The following NAALAD2 variants were observed in gnomAD, a reference collection of about 807,000 sequenced individuals.
The protein encoded by NAALAD2 is N-acetylated alpha-linked acidic dipeptidase 2, also known as N-acetylated-alpha-linked acidic dipeptidase 2.
A neutral mutation model predicts 95.6 loss-of-function variants in NAALAD2; 89 were observed. The observed-to-expected ratio is 0.93, with a 90% confidence interval of 0.78 to 1.11. NAALAD2 has a LOEUF of 1.11. NAALAD2 is among the 50% of genes least tolerant of loss of function. The pLI is 0.00. For missense variants in NAALAD2, 894 were observed against 872.4 expected (o/e 1.02, Z -0.31); for synonymous variants, 264 against 294.4 (o/e 0.90, Z 1.06).
At chr11:90,148,348 T>C (rs569920996) in intron 3 of NAALAD2, among the ~76,000 whole-genome samples, 173 of 152,178 alleles carry the variant, frequency 1.1e-3, no homozygotes, top group African/African-American at 4.0e-3. Flanking sequence ...AGTGATTGAC[T>C]TGGGGAAGGA....
chr11:90,147,501 T>A lies in NAALAD2; in HGVS notation c.366T>A (p.Asp122Glu). ...ETNANYISIV[D>E]EHETEIFKTS... ...ATGCCAACTATATATCGATTGTGGA[T>A]GAACATGAAACTGAGGTATGTGAAA... Residue 122 changes from aspartate to glutamate, a missense_variant, in exon 3 of 19, where the codon GAT becomes GAA. Physicochemically the swap from Asp to Glu is conservative, Grantham distance 45. Coordinates refer to ENST00000534061, the MANE Select transcript of NAALAD2 (RefSeq NM_005467.4). 6.2e-7 allele frequency: 1 copy of A among 1,607,236 alleles called. No homozygotes were observed. The highest frequency in any genetic ancestry group is 8.5e-7 in the Non-Finnish European group (1 of 1,177,044).
intron 17 of NAALAD2, 54 bp downstream of exon 17, chr11:90,181,755 C>T: frequency 1.8e-6 from 2 of 1,094,580 alleles, no homozygotes; most frequent in Non-Finnish European, 2.7e-6. Context: ...AATCTGGTTA[C>T]TAGAATGAAC....
chr11:90,169,926 C>A (rs573545824), intron 12 of NAALAD2, 143 bp from the exon 13 acceptor site: 2 of 626,654 alleles, frequency 3.2e-6, no homozygotes, highest in East Asian at 2.9e-5. Context: ...ACTATTTCCA[C>A]CCTGTTTTAT....
intron 6 of NAALAD2, among the ~76,000 whole-genome samples, chr11:90,155,571 T>C (rs1261911983): frequency 1.2e-5 from 1 of 80,432 alleles, no homozygotes; most frequent in South Asian, 4.0e-4. Context: ...ATATATAATA[T>C]ATAATATATA....
chr11:90,178,086 T>C lies in NAALAD2; in HGVS notation c.1827T>C (p.Asp609=), dbSNP rs1282774155. 1 of 1,613,002 alleles carries C rather than the reference T, an allele frequency of 6.2e-7. No homozygotes were observed. The highest frequency in any genetic ancestry group is 1.7e-5 in the Admixed American group (1 of 59,824). Residue 609 remains aspartate, a synonymous_variant, in exon 16 of 19, where the codon GAT becomes GAC. Transcript: ENST00000534061. The part of the protein sequence containing the change: ...ASIYNLSKKH[D]QQLTDHGVSF... ...TCTATAATCTATCTAAGAAACATGA[T>C]CAACAATTGACAGACCATGGAGTAT...
intron 6 of NAALAD2, among the ~76,000 whole-genome samples, chr11:90,154,672 T>C (rs1048840778): frequency 3.3e-5 from 5 of 151,338 alleles, no homozygotes; most frequent in African/African-American, 1.2e-4. Context: ...CATCTTCACT[T>C]TTTTGCAAGA....
chr11:90,152,156 A>C, intron 5 of NAALAD2, 142 bp from the exon 6 acceptor site: 1 of 700,174 alleles, frequency 1.4e-6, no homozygotes, highest in Non-Finnish European at 2.1e-6. Context: ...AATTGTGTTC[A>C]AAGCCAAGAG....
At chr11:90,162,614 A>C (rs1241687104) in intron 8 of NAALAD2, 1 of 156,392 alleles carries the variant, frequency 6.4e-6, no homozygotes, top group East Asian at 1.8e-4. Flanking sequence ...TTTTAGAATA[A>C]ATATGACATT....
chr11:90,150,839 A>G (rs984321698), intron 5 of NAALAD2, among the ~76,000 whole-genome samples: 1 of 152,084 alleles, frequency 6.6e-6, no homozygotes, highest in Non-Finnish European at 1.5e-5. Flanking sequence ...GCTTTTAGAA[A>G]TTTAATTGAA....
chr11:90,151,632 A>C (rs1951889412), intron 5 of NAALAD2, among the ~76,000 whole-genome samples: 1 of 152,318 alleles, frequency 6.6e-6, no homozygotes, highest in Admixed American at 6.5e-5. Context: ...GTGATATAAC[A>C]GGGTGTTCTC....
intron 8 of NAALAD2, among the ~76,000 whole-genome samples, chr11:90,162,216 T>C (rs1590991929): frequency 6.6e-6 from 1 of 152,286 alleles, no homozygotes; most frequent in Admixed American, 6.5e-5. Flanking sequence ...ATGTGAGTGA[T>C]ACTTTGTTTT....
At chr11:90,151,791 G>A (rs1331827127) in intron 5 of NAALAD2, among the ~76,000 whole-genome samples, 1 of 151,998 alleles carries the variant, frequency 6.6e-6, no homozygotes, top group Non-Finnish European at 1.5e-5. Flanking sequence ...CAAAAACCCT[G>A]GGCTGTTTTT....
chr11:90,182,977 C>A lies in NAALAD2; in HGVS notation c.2002C>A (p.Pro668Thr). The A allele has an allele frequency of 6.2e-7, 1 of 1,612,802 alleles. No homozygotes were observed. Among genetic ancestry groups the A allele is most frequent in the Non-Finnish European group, 8.5e-7 (1 of 1,179,010 alleles). ...GCTCCTGGAAAGAGCATTCATCGAT[C>A]CTCTTGGTTTACCAGGAAAGCTGTT... ...LMLLERAFIDPLGLPGKLFYR... is the reference protein window; with the variant it reads ...LMLLERAFIDTLGLPGKLFYR... The change falls in exon 18 of 19, where the codon CCT becomes ACT. Residue 668 changes from proline to threonine, a missense_variant. Transcript: ENST00000534061.
chr11:90,143,922 G>A (rs1402721001), intron 2 of NAALAD2, among the ~76,000 whole-genome samples: 1 of 152,154 alleles, frequency 6.6e-6, no homozygotes, highest in Non-Finnish European at 1.5e-5. Flanking sequence ...TTCCATGTTA[G>A]TGTCTATGGA....
chr11:90,189,571 C>T (rs1857262399), intron 18 of NAALAD2, among the ~76,000 whole-genome samples: 2 of 152,082 alleles, frequency 1.3e-5, no homozygotes, highest in Non-Finnish European at 2.9e-5. Context: ...GAGTTTAAGA[C>T]CAGCCTGGCC....
At chr11:90,170,026 T>TC (rs1225495604) in intron 12 of NAALAD2, 43 bp from the exon 13 acceptor site, 1 of 1,114,800 alleles carries the variant, frequency 9.0e-7, no homozygotes, top group East Asian at 2.4e-5. Flanking sequence ...GGAATTTCAT[T>TC]TAGAAGTATG....
chr11:90,155,540 A>G (rs1231366070), intron 6 of NAALAD2, among the ~76,000 whole-genome samples: 2 of 115,232 alleles, frequency 1.7e-5, no homozygotes, highest in African/African-American at 7.0e-5. Context: ...ATGCTATATT[A>G]TATATGATAT....
chr11:90,152,497 C>G lies in NAALAD2; in HGVS notation c.796+13C>G, dbSNP rs1006681866. 1 of 1,579,242 alleles carries G rather than the reference C, an allele frequency of 6.3e-7. No homozygotes were observed. The highest frequency in any genetic ancestry group is 2.3e-5 in the East Asian group (1 of 44,192). On this transcript the variant is annotated intron_variant, in intron 6 of 18. Transcript: ENST00000534061. ...TATCCAGCAAAAGGTAAGGGATGAG[C>G]CTATCAGTCCACCAATTTTGCAAAA...
At position 90,176,344 on chromosome 11, in the gene NAALAD2, TG is replaced by T. The variant is rs1314200944; in HGVS notation, c.1593+283del. On this transcript the variant is annotated intron_variant, in intron 15 of 18. Coordinates refer to ENST00000534061, the MANE Select transcript of NAALAD2 (RefSeq NM_005467.4). ...TACTAAGTAGTTCACATCCTTTTCC[TG>T]ATTTGTCAGAAAACTCTCATTCTCT... 3.3e-5 allele frequency among the ~76,000 whole-genome samples: 5 copies of T among 152,314 alleles called. No individual in the cohort carries two copies. In the East Asian group the frequency reaches 9.7e-4, roughly 29 times the overall value.
Sources: gnomAD v4.1 joint callset for allele counts (sites outside exome capture counted in the v4.1 genomes callset) on GRCh38, gnomAD v4.1.1 for gene constraint, MANE v1.5 for transcripts, NCBI Gene and HGNC (gene_info 2026-07-23, HGNC 2026-07-21) for gene names.